MAP6: variants seen among roughly 807,000 people sequenced by gnomAD.
MAP6 encodes the protein microtubule associated protein 6.
MAP6 carries 26 observed loss-of-function variants against 42.4 expected under a neutral mutation model. The ratio of observed to expected loss-of-function variants is 0.61; its 90% CI spans 0.45 to 0.85. The LOEUF (loss-of-function observed/expected upper bound fraction) is 0.85, where lower values mean the gene tolerates loss of function less well. MAP6 is among the 40% of genes least tolerant of loss of function. MAP6 has a pLI of 0.00. For synonymous variants in MAP6, 418 were observed against 443.8 expected, an observed-to-expected ratio of 0.94 and a Z score of 0.73; for missense variants, 966 against 1,099.0, an observed-to-expected ratio of 0.88 and a Z score of 1.71.
chr11:75,587,688 C>T lies in MAP6; in HGVS notation c.1813G>A (p.Asp605Asn). 6.2e-7 allele frequency: 1 copy of T among 1,613,510 alleles called. No homozygotes were observed. Among genetic ancestry groups the T allele is most frequent in the Non-Finnish European group, 8.5e-7 (1 of 1,179,820 alleles). Residue 605 changes from aspartate to asparagine, a missense_variant, in exon 4 of 4, where the codon GAT becomes AAT. Transcript: ENST00000304771. ...GGTGCTGGGACTATGGGACCTTGAT[C>T]CTTGACAGGTGCTGAGACCATGGGA... Reference protein sequence around the residue: ...QGPMVSAPVKDQGPIVPAPVK... With the variant: ...QGPMVSAPVKNQGPIVPAPVK...
At chr11:75,639,826 T>C (rs17134210) in intron 1 of MAP6, among the ~76,000 whole-genome samples, 11,548 of 152,200 alleles carry the variant, frequency 0.076, 669 homozygotes, top group African/African-American at 0.16. Flanking sequence ...GTTCAGATTG[T>C]CTAAAGTGAT....
chr11:75,595,960 G>A (rs1022963240), intron 3 of MAP6, among the ~76,000 whole-genome samples: 8 of 152,078 alleles, frequency 5.3e-5, no homozygotes, highest in African/African-American at 1.7e-4. Context: ...GCATAGGGCT[G>A]GCACATGGTA....
intron 1 of MAP6, among the ~76,000 whole-genome samples, chr11:75,665,487 C>T (rs954025830): frequency 6.6e-6 from 1 of 152,156 alleles, no homozygotes; most frequent in Non-Finnish European, 1.5e-5. Flanking sequence ...AGAGACAGCT[C>T]CTGCTAGTGG....
chr11:75,627,019 T>C (rs2135625283), intron 1 of MAP6, among the ~76,000 whole-genome samples: 1 of 152,334 alleles, frequency 6.6e-6, no homozygotes, highest in Admixed American at 6.5e-5. Flanking sequence ...GCATTACAAA[T>C]TGAAAACAGG....
At chr11:75,619,956 T>C (rs1371919208) in intron 1 of MAP6, among the ~76,000 whole-genome samples, 1 of 152,234 alleles carries the variant, frequency 6.6e-6, no homozygotes, top group Non-Finnish European at 1.5e-5. Flanking sequence ...GCATTCCTTT[T>C]TCTCCTCTAC....
intron 1 of MAP6, among the ~76,000 whole-genome samples, chr11:75,624,737 G>C (rs1197638546): frequency 6.6e-6 from 1 of 152,208 alleles, no homozygotes; most frequent in Non-Finnish European, 1.5e-5. Context: ...CCCATCAGGA[G>C]AATAGTCATG....
Position 75,667,566 on chromosome 11 carries a change from G to T in MAP6, c.804C>A (p.Val268=), listed in dbSNP as rs1466930497. The change falls in exon 1 of 4, where the codon GTC becomes GTA. Residue 268 remains valine, a synonymous_variant. Coordinates refer to ENST00000304771, the MANE Select transcript of MAP6 (RefSeq NM_033063.2). This position sits in a 1 kb window ranked among gnomAD's most constrained non-coding sequence, Gnocchi z 5.6. ...QTPLPAAQAQ[V]QATGPEAGRG... ...TGCCAGCCTCGGGGCCGGTGGCCTG[G>T]ACCTGGGCCTGGGCCGCGGGCAGCG... 6.8e-7 allele frequency: 1 copy of T among 1,465,842 alleles called. No homozygotes were observed. The highest frequency in any genetic ancestry group is 1.5e-5 in the African/African-American group (1 of 67,756). The allele number at this position is 1,465,842 out of a possible 1,614,324, so 90.8% of individuals were successfully genotyped here. A position where few individuals can be genotyped will look rare whatever the true frequency, so the allele number is the denominator to read the frequency against.
At chr11:75,617,514 CAAAAAAAAAA>C (rs61477947) in intron 1 of MAP6, among the ~76,000 whole-genome samples, 2 of 28,164 alleles carry the variant, frequency 7.1e-5, no homozygotes, top group South Asian at 1.7e-3. Flanking sequence ...AGACTGTCTC[CAAAAAAAAAA>C]AAAAAAAAAA....
chr11:75,619,175 A>G (rs1943060804), intron 1 of MAP6, among the ~76,000 whole-genome samples: 1 of 152,184 alleles, frequency 6.6e-6, no homozygotes, highest in Non-Finnish European at 1.5e-5. Flanking sequence ...TGTCTTTCCT[A>G]GGACACACCA....
chr11:75,627,214 G>T lies in MAP6; in HGVS notation c.906-18892C>A, dbSNP rs185563399. On this transcript the variant is annotated intron_variant, in intron 1 of 3. Coordinates refer to ENST00000304771, the MANE Select transcript of MAP6 (RefSeq NM_033063.2). ...ACCTGACTTCCCAACAATGGGATTA[G>T]CCCGTCTTTCTGCCCCAGGGAACTC... Among the ~76,000 whole-genome samples the T allele has an allele frequency of 4.9e-4, 74 of 152,330 alleles. 1 individual carries two copies. The highest frequency in any genetic ancestry group is 4.4e-3 in the East Asian group (23 of 5,194).
chr11:75,645,299 T>A (rs1943537512), intron 1 of MAP6, among the ~76,000 whole-genome samples: 1 of 142,558 alleles, frequency 7.0e-6, no homozygotes, highest in Non-Finnish European at 1.5e-5. Flanking sequence ...ATGGAGTCAC[T>A]GGCCCAGGGA....
chr11:75,633,331 G>A (rs1049937767), intron 1 of MAP6, among the ~76,000 whole-genome samples: 3 of 152,070 alleles, frequency 2.0e-5, no homozygotes, highest in Admixed American at 1.3e-4. Flanking sequence ...CTCCTCTGAC[G>A]GATACTCTGG....
intron 2 of MAP6, chr11:75,607,194 T>A (rs1942795756): frequency 5.5e-5 from 54 of 979,410 alleles, no homozygotes; most frequent in Non-Finnish European, 6.4e-5. Flanking sequence ...CCAGGCAAAC[T>A]GGGTCGGTTA....
chr11:75,661,405 T>A (rs930885925), intron 1 of MAP6, among the ~76,000 whole-genome samples: 2 of 152,062 alleles, frequency 1.3e-5, no homozygotes, highest in South Asian at 4.1e-4. Flanking sequence ...GGAAAAATTA[T>A]AGGCCAATCT....
chr11:75,667,732 C>A lies in MAP6; in HGVS notation c.638G>T (p.Arg213Leu), dbSNP rs1396456541. ...RWPVQAAAEAREQEAAPGGAG... is the reference protein window; with the variant it reads ...RWPVQAAAEALEQEAAPGGAG... ...TCCGCCGGGGGCCGCCTCCTGCTCC[C>A]GGGCCTCAGCGGCGGCCTGCACTGG... is the stretch of plus-strand genomic sequence containing the variant. Residue 213 changes from arginine (R) to leucine (L), a missense_variant, in exon 1 of 4, where the codon CGG becomes CTG. Physicochemically the swap from Arg to Leu is moderately radical, Grantham distance 102 (BLOSUM62 -2). Transcript: ENST00000304771. The surrounding 1 kb of genome is among the most constrained non-coding windows in gnomAD (Gnocchi z 5.6). 1.5e-6 allele frequency: 2 copies of A among 1,300,952 alleles called. No homozygotes were observed. Among genetic ancestry groups the A allele is most frequent in the Non-Finnish European group, 1.9e-6 (2 of 1,026,946 alleles). The allele number at this position is 1,300,952 out of a possible 1,614,324, so 80.6% of individuals were successfully genotyped here.
chr11:75,667,953 C>A lies in MAP6; in HGVS notation c.417G>T (p.Pro139=). The change falls in exon 1 of 4, where the codon CCG becomes CCT. Residue 139 remains proline, a synonymous_variant. Coordinates refer to ENST00000304771, the MANE Select transcript of MAP6 (RefSeq NM_033063.2). This position sits in a 1 kb window ranked among gnomAD's most constrained non-coding sequence, Gnocchi z 5.6. ...CGTCGGAGGGCTGGTATTCGCTGCG[C>A]GGCCGGCAGCTGGGCTCGGGCCGCT... ...KVQRPEPSCR[P]RSEYQPSDAP... 1 of 1,337,604 alleles carries A rather than the reference C, an allele frequency of 7.5e-7. No homozygotes were observed. Among genetic ancestry groups the A allele is most frequent in the South Asian group, 1.9e-5 (1 of 53,666 alleles). 82.9% of individuals were successfully genotyped at this position (1,337,604 alleles called of 1,614,324 possible). A position where few individuals can be genotyped will look rare whatever the true frequency, so the allele number is the denominator to read the frequency against.
intron 1 of MAP6, among the ~76,000 whole-genome samples, chr11:75,657,041 T>C (rs146546432): frequency 1.3e-5 from 2 of 152,318 alleles, no homozygotes; most frequent in Non-Finnish European, 2.9e-5. Flanking sequence ...AATCATTCAG[T>C]AAATATACTT....
intron 1 of MAP6, among the ~76,000 whole-genome samples, chr11:75,616,015 A>C (rs1202298905): frequency 6.6e-6 from 1 of 152,054 alleles, no homozygotes; most frequent in Non-Finnish European, 1.5e-5. Flanking sequence ...AACAGAGGGG[A>C]GGCTGTGCTT....
chr11:75,586,919 G>T lies in MAP6; in HGVS notation c.*140C>A. The T allele has an allele frequency of 1.1e-6, 1 of 930,342 alleles. No homozygotes were observed. The highest frequency in any genetic ancestry group is 1.6e-6 in the Non-Finnish European group (1 of 633,468). 57.6% of individuals were successfully genotyped at this position (930,342 alleles called of 1,614,324 possible). A position where few individuals can be genotyped will look rare whatever the true frequency, so the allele number is the denominator to read the frequency against. On this transcript the variant is annotated 3_prime_UTR_variant, in exon 4 of 4. Coordinates refer to ENST00000304771, the MANE Select transcript of MAP6 (RefSeq NM_033063.2). ...AACAGAGACAGAGAGAAACATTGCT[G>T]AGCCAGAGGGACCATTTTTATTAGA...
Sources: allele counts gnomAD v4.1 joint callset (sites outside exome capture counted in the v4.1 genomes callset), GRCh38; gene constraint gnomAD v4.1.1; non-coding constraint Gnocchi (gnomAD v3.1); transcripts MANE v1.5; gene names NCBI Gene and HGNC (gene_info 2026-07-23, HGNC 2026-07-21).